The following RRBP1 variants were observed in gnomAD, a reference collection of about 807,000 sequenced individuals.
RRBP1 encodes ribosome-binding protein 1.
RRBP1 carries 94 observed loss-of-function variants against 165.2 expected under a neutral mutation model. The ratio of observed to expected loss-of-function variants is 0.57; its 90% CI spans 0.48 to 0.68. The LOEUF (loss-of-function observed/expected upper bound fraction) is 0.68, where lower values mean the gene tolerates loss of function less well. Ranked by LOEUF, RRBP1 falls within the 30% of genes least tolerant of loss-of-function variation. The probability of loss-of-function intolerance (pLI) is 0.00; values close to 1 mark genes in which losing one functional copy is unlikely to be tolerated. For synonymous variants in RRBP1, 680 were observed against 714.5 expected (o/e 0.95, Z 0.77); for missense variants, 1,676 against 1,763.0 (o/e 0.95, Z 0.88).
At chr20:17,628,925 T>C (rs1360518102) in intron 9 of RRBP1, among the ~76,000 whole-genome samples, 1 of 152,222 alleles carries the variant, frequency 6.6e-6, no homozygotes, top group Non-Finnish European at 1.5e-5. Flanking sequence ...TTGCCCACTG[T>C]GGCAGAGCTG....
At chr20:17,674,735 G>A (rs1295429025) in intron 2 of RRBP1, among the ~76,000 whole-genome samples, 2 of 152,106 alleles carry the variant, frequency 1.3e-5, no homozygotes, top group African/African-American at 4.8e-5. Flanking sequence ...TCCAGCCTGG[G>A]AGACAGAGCG....
chr20:17,664,601 C>T (rs1239428159), intron 2 of RRBP1, among the ~76,000 whole-genome samples: 1 of 152,174 alleles, frequency 6.6e-6, no homozygotes, highest in Non-Finnish European at 1.5e-5. Flanking sequence ...ATTCGGGGAA[C>T]AAAAGTAAGA....
At chr20:17,663,894 C>A (rs1302191757) in intron 2 of RRBP1, among the ~76,000 whole-genome samples, 1 of 152,346 alleles carries the variant, frequency 6.6e-6, no homozygotes, top group African/African-American at 2.4e-5. Flanking sequence ...GATCTATATT[C>A]TGTCAATTCC....
At chr20:17,663,180 C>T (rs1291357575) in intron 2 of RRBP1, among the ~76,000 whole-genome samples, 3 of 152,172 alleles carry the variant, frequency 2.0e-5, no homozygotes, top group Admixed American at 1.3e-4. Context: ...GGTTGCAGAC[C>T]GTGACACAGT....
intron 3 of RRBP1, among the ~76,000 whole-genome samples, chr20:17,651,457 C>A (rs1280181871): frequency 6.6e-6 from 1 of 152,222 alleles, no homozygotes. Context: ...TGCAAAATAG[C>A]TGCACACTAC....
intron 7 of RRBP1, 99 bp from the exon 8 acceptor site, chr20:17,633,712 C>G: frequency 1.6e-6 from 2 of 1,265,180 alleles, no homozygotes; most frequent in Non-Finnish European, 2.2e-6. Flanking sequence ...TGTAAGTAAG[C>G]AGTTGCCCAA....
At chr20:17,657,096 G>A (rs983952925) in intron 3 of RRBP1, among the ~76,000 whole-genome samples, 13 of 152,382 alleles carry the variant, frequency 8.5e-5, no homozygotes, top group Non-Finnish European at 1.3e-4. Flanking sequence ...CATGCCTGAT[G>A]TGGAAGAACC....
chr20:17,673,611 G>C (rs1600190552), intron 2 of RRBP1, among the ~76,000 whole-genome samples: 1 of 152,158 alleles, frequency 6.6e-6, no homozygotes, highest in East Asian at 1.9e-4. Context: ...GTTTCACCAT[G>C]TTGGCCAGGC....
At chr20:17,658,496 G>A in intron 3 of RRBP1, 100 bp downstream of exon 3, 1 of 1,022,970 alleles carries the variant, frequency 9.8e-7, no homozygotes, top group Non-Finnish European at 1.4e-6. Context: ...GCCTTATTAT[G>A]ACAATAGCTG....
chr20:17,661,439 G>A (rs1013339775), intron 2 of RRBP1, among the ~76,000 whole-genome samples: 3 of 152,160 alleles, frequency 2.0e-5, no homozygotes, highest in Admixed American at 6.5e-5. Flanking sequence ...AGGCCCCTCT[G>A]TCAGACAACA....
At chr20:17,631,889 A>C (rs2036157022) in intron 8 of RRBP1, among the ~76,000 whole-genome samples, 1 of 152,270 alleles carries the variant, frequency 6.6e-6, no homozygotes, top group South Asian at 2.1e-4. Flanking sequence ...TCAGCAAAAA[A>C]GAGACATTTT....
chr20:17,621,924 A>C lies in RRBP1; in HGVS notation c.3171T>G (p.Cys1057Trp). Reference sequence around the variant, plus strand: ...CCTCCATGGTCTGCGCCTCAATCAGACAGAGCTGCTTCTCCGATTCCTCCT... The same window carrying C: ...CCTCCATGGTCTGCGCCTCAATCAGCCAGAGCTGCTTCTCCGATTCCTCCT... ...QAKEESEKQLCLIEAQTMEAL... is the reference protein window; with the variant it reads ...QAKEESEKQLWLIEAQTMEAL... The change falls in exon 14 of 25, where the codon TGT (cysteine) becomes TGG (tryptophan). Residue 1057 changes from cysteine (C) to tryptophan (W), a missense_variant. Physicochemically the swap from Cys to Trp is radical, Grantham distance 215. Coordinates refer to ENST00000377813, the MANE Select transcript of RRBP1 (RefSeq NM_001365613.2). 1 of 1,613,578 alleles carries C rather than the reference A, an allele frequency of 6.2e-7. No homozygotes were observed.
intron 2 of RRBP1, among the ~76,000 whole-genome samples, chr20:17,673,786 T>C (rs1420677339): frequency 6.6e-6 from 1 of 152,204 alleles, no homozygotes; most frequent in African/African-American, 2.4e-5. Context: ...TGACTTAAGA[T>C]GGAAAAGACT....
rs1315907387 is a variant in RRBP1 at position 17,616,769 on chromosome 20, G to T, written c.3830C>A (p.Ser1277Tyr). Reference sequence around the variant, plus strand: ...CTGCTCGGCTGGGGGCGCCTCTGGGGAGGAAGCTGGGGCCCCAGCTATGTC... The same window carrying T: ...CTGCTCGGCTGGGGGCGCCTCTGGGTAGGAAGCTGGGGCCCCAGCTATGTC... The part of the protein sequence containing the change: ...DGDIAGAPAS[S>Y]PEAPPAEQDP... The change falls in exon 21 of 25, where the codon TCC becomes TAC. Residue 1277 changes from serine (S) to tyrosine (Y), a missense_variant. By Grantham distance (144) the Ser-to-Tyr change is moderately radical. Around this residue, in one of 5 missense-constraint regions of RRBP1, gnomAD observed 1,184 missense variants for 1,167.1 expected, o/e 1.01. Transcript: ENST00000377813. 1.2e-6 allele frequency: 2 copies of T among 1,612,784 alleles called. No individual in the cohort carries two copies. Among genetic ancestry groups the T allele is most frequent in the Non-Finnish European group, 1.7e-6 (2 of 1,179,574 alleles).
At chr20:17,632,919 C>A (rs1219493350) in intron 8 of RRBP1, among the ~76,000 whole-genome samples, 1 of 152,202 alleles carries the variant, frequency 6.6e-6, no homozygotes, top group Non-Finnish European at 1.5e-5. Flanking sequence ...AAGGCCACAC[C>A]CAGAAGCTGA....
chr20:17,674,192 TAGAA>T (rs956635923), intron 2 of RRBP1, among the ~76,000 whole-genome samples: 42 of 152,182 alleles, frequency 2.8e-4, no homozygotes, highest in African/African-American at 9.4e-4. Context: ...ACATTCCCGT[TAGAA>T]AGGGCTAGAA....
chr20:17,626,132 A>G (rs1401892109), intron 11 of RRBP1, among the ~76,000 whole-genome samples: 2 of 152,230 alleles, frequency 1.3e-5, no homozygotes, highest in African/African-American at 4.8e-5. Context: ...CAGCCTACAC[A>G]TAACTTTCAG....
rs1432984876 is a variant in RRBP1, at chr20:17,629,861, T to A, written c.2711A>T (p.Asp904Val). Residue 904 changes from aspartate to valine, a missense_variant, in exon 9 of 25, where the codon GAT (aspartate) becomes GTT (valine). Physicochemically the swap from Asp to Val is radical, Grantham distance 152 (BLOSUM62 -3). This residue lies in a region of RRBP1 where 1,184 missense variants were observed against 1,167.1 expected (regional missense o/e 1.01). Coordinates refer to ENST00000377813, the MANE Select transcript of RRBP1 (RefSeq NM_001365613.2). Reference protein sequence around the residue: ...TQSSHASLRADAEKAQEQQQQ... With the variant: ...TQSSHASLRAVAEKAQEQQQQ... Reference sequence around the variant, plus strand: ...CTGTTGCTCCTGGGCCTTCTCGGCATCCGCCCGGAGGCTGGCGTGGCTGCT... The same window carrying A: ...CTGTTGCTCCTGGGCCTTCTCGGCAACCGCCCGGAGGCTGGCGTGGCTGCT... The A allele has an allele frequency of 1.9e-6, 3 of 1,599,886 alleles. No homozygotes were observed. The highest frequency in any genetic ancestry group is 2.2e-5 in the East Asian group (1 of 44,846).
At chr20:17,658,510 G>A (rs1028526653) in intron 3 of RRBP1, 86 bp downstream of exon 3, 20 of 1,157,530 alleles carry the variant, frequency 1.7e-5, no homozygotes, top group Non-Finnish European at 2.4e-5. Flanking sequence ...ATAGCTGACT[G>A]ATACAGGTGG....
Sources: gnomAD v4.1 joint callset for allele counts (sites outside exome capture counted in the v4.1 genomes callset) on GRCh38, gnomAD v4.1.1 for gene constraint, gnomAD v4.1.1 regional missense constraint, MANE v1.5 for transcripts, NCBI Gene and HGNC (gene_info 2026-07-23, HGNC 2026-07-21) for gene names.